Variants in NLRP3 observed in about 807,000 individuals in gnomAD.
NLRP3 encodes the protein NACHT, LRR and PYD domains-containing protein 3.
In NLRP3, 48 loss-of-function variants were observed where a neutral mutation model predicts 91.3. That is an observed-to-expected ratio of 0.53 (90% CI 0.42 to 0.67). The LOEUF is 0.67. Ranked by LOEUF, NLRP3 falls within the 30% of genes least tolerant of loss-of-function variation. NLRP3 has a pLI of 0.00. For synonymous variants in NLRP3, 561 were observed against 507.9 expected, an observed-to-expected ratio of 1.10 and a Z score of -1.41; for missense variants, 982 against 1,276.9, an observed-to-expected ratio of 0.77 and a Z score of 3.52.
At chr1:247,429,526 C>A (rs1292630222) in intron 4 of NLRP3, 59 bp from the exon 5 acceptor site, 5 of 1,591,594 alleles carry the variant, frequency 3.1e-6, no homozygotes, top group East Asian at 2.2e-5. Flanking sequence ...GCCCCCAGCT[C>A]CAGTTAGTTA....
intron 9 of NLRP3, among the ~76,000 whole-genome samples, chr1:247,446,643 C>T (rs761358253): frequency 2.7e-5 from 4 of 150,210 alleles, no homozygotes; most frequent in Non-Finnish European, 5.9e-5. Context: ...GTCTTCTCTG[C>T]GAGGCTGTCT....
chr1:247,434,115 T>C lies in NLRP3; in HGVS notation c.2334T>C (p.Cys778=), dbSNP rs201206582. Residue 778 remains cysteine (C), a synonymous_variant, in exon 6 of 10, where the codon TGT becomes TGC. Transcript: ENST00000336119. The part of the protein sequence containing the change: ...CNIRRLWLGR[C]GLSHECCFDI... ...TCTTGGCATGAAGGTTGGGGCGCTG[T>C]GGCCTCTCGCATGAGTGCTGCTTCG... The C allele has an allele frequency of 7.0e-6, 10 of 1,420,376 alleles. No homozygotes were observed. Among genetic ancestry groups the C allele is most frequent in the Non-Finnish European group, 9.4e-6 (10 of 1,066,428 alleles). The allele number at this position is 1,420,376 out of a possible 1,614,324, so 88.0% of individuals were successfully genotyped here.
chr1:247,424,439 G>A lies in NLRP3; in HGVS notation c.990G>A (p.Leu330=). 1.2e-6 allele frequency: 2 copies of A among 1,614,202 alleles called. No homozygotes were observed. The highest frequency in any genetic ancestry group is 2.7e-5 in the African/African-American group (2 of 75,060). ...WQKAERGDIL[L]SSLIRKKLLP... ...AGGCCGAGCGGGGAGACATTCTCCT[G>A]AGCAGCCTCATCAGAAAGAAGCTGC... The change falls in exon 4 of 10, where the codon CTG becomes CTA. Residue 330 remains leucine (L), a synonymous_variant. Transcript: ENST00000336119. This position sits in a 1 kb window ranked among gnomAD's most constrained non-coding sequence, Gnocchi z 8.1.
chr1:247,424,759 C>T lies in NLRP3; in HGVS notation c.1310C>T (p.Thr437Ile). 1.2e-6 allele frequency: 2 copies of T among 1,613,088 alleles called. No homozygotes were observed. Among genetic ancestry groups the T allele is most frequent in the Non-Finnish European group, 1.7e-6 (2 of 1,180,018 alleles). ...GKSLAQTSKT[T>I]TAVYVFFLSS... is the part of the protein sequence containing the mutation. ...AGCCTTGCCCAGACATCCAAGACCA[C>T]CACCGCGGTGTACGTCTTCTTCCTT... is the stretch of plus-strand genomic sequence containing the variant. The change falls in exon 4 of 10, where the codon ACC (threonine) becomes ATC (isoleucine). Residue 437 changes from threonine (T) to isoleucine (I), a missense_variant. Around this residue, in one of 5 missense-constraint regions of NLRP3, gnomAD observed 548 missense variants for 713.7 expected, o/e 0.77. Transcript: ENST00000336119. This position sits in a 1 kb window ranked among gnomAD's most constrained non-coding sequence, Gnocchi z 8.1.
intron 9 of NLRP3, among the ~76,000 whole-genome samples, chr1:247,446,726 T>A (rs1424713540): frequency 6.6e-6 from 1 of 152,192 alleles, no homozygotes; most frequent in East Asian, 1.9e-4. Context: ...GCACATCTTA[T>A]GTGCTATGTC....
At chr1:247,439,873 C>T (rs1479685808) in intron 7 of NLRP3, among the ~76,000 whole-genome samples, 1 of 152,126 alleles carries the variant, frequency 6.6e-6, no homozygotes, top group Non-Finnish European at 1.5e-5. Flanking sequence ...CTGTTCTTTT[C>T]CACTATTACA....
At chr1:247,444,537 C>CT in intron 8 of NLRP3, 114 bp from the exon 9 acceptor site, 1 of 1,124,052 alleles carries the variant, frequency 8.9e-7, no homozygotes, top group Non-Finnish European at 1.3e-6. Context: ...TAGTCCTGTG[C>CT]TCCTGTGCTT....
chr1:247,443,794 C>A, intron 7 of NLRP3, 178 bp from the exon 8 acceptor site: 1 of 659,602 alleles, frequency 1.5e-6, no homozygotes, highest in Non-Finnish European at 2.7e-6. Flanking sequence ...TTTGTGTCTC[C>A]TGTGACAGCC....
intron 7 of NLRP3, among the ~76,000 whole-genome samples, chr1:247,439,259 A>G (rs1572214315): frequency 6.6e-6 from 1 of 152,242 alleles, no homozygotes; most frequent in East Asian, 1.9e-4. Flanking sequence ...CTACTGTAAT[A>G]AAGTATCACA....
At chr1:247,431,571 T>C (rs1210344057) in intron 5 of NLRP3, among the ~76,000 whole-genome samples, 1 of 152,146 alleles carries the variant, frequency 6.6e-6, no homozygotes, top group East Asian at 1.9e-4. Context: ...GGGGTTTGCG[T>C]TTGTTTGTCT....
intron 6 of NLRP3, among the ~76,000 whole-genome samples, chr1:247,435,011 G>C (rs1172977078): frequency 6.6e-6 from 1 of 152,192 alleles, no homozygotes; most frequent in African/African-American, 2.4e-5. Context: ...CAGCATTTTG[G>C]GAGGCTGAGG....
At chr1:247,432,860 GTGTT>G (rs1427041544) in intron 5 of NLRP3, among the ~76,000 whole-genome samples, 1 of 151,976 alleles carries the variant, frequency 6.6e-6, no homozygotes, top group Non-Finnish European at 1.5e-5. Flanking sequence ...ATGTGCGTGT[GTGTT>G]TGTGTGCATG....
chr1:247,447,873 C>G (rs1481724867), intron 9 of NLRP3, among the ~76,000 whole-genome samples: 1 of 152,162 alleles, frequency 6.6e-6, no homozygotes, highest in Admixed American at 6.5e-5. Flanking sequence ...AACAAGTTGA[C>G]ATGACCTGTT....
At chr1:247,431,675 G>C (rs1024884937) in intron 5 of NLRP3, among the ~76,000 whole-genome samples, 1 of 152,200 alleles carries the variant, frequency 6.6e-6, no homozygotes, top group Non-Finnish European at 1.5e-5. Flanking sequence ...TGGTCTCCCT[G>C]TGTCTGCCTT....
At chr1:247,416,807 G>A (rs1662101731) in intron 1 of NLRP3, among the ~76,000 whole-genome samples, 1 of 152,190 alleles carries the variant, frequency 6.6e-6, no homozygotes, top group South Asian at 2.1e-4. Flanking sequence ...GATGGGACGG[G>A]AGAGATGAGT....
rs1245624789 is a variant in NLRP3 at position 247,429,594 on chromosome 1, C to T, written c.2160C>T (p.Asn720=). 6.2e-7 allele frequency: 1 copy of T among 1,614,166 alleles called. No individual in the cohort carries two copies. ...TCCTTCTAATTCCTAGATTGGTGAA[C>T]AGCCACCTCACTTCCAGTTTTTGCC... ...SHAACSHGLV[N]SHLTSSFCRG... is the part of the protein sequence containing the mutation. The change falls in exon 5 of 10, where the codon AAC becomes AAT. Residue 720 remains asparagine, a synonymous_variant. Transcript: ENST00000336119.
rs937804009 is a variant in NLRP3 at position 247,444,965 on chromosome 1, T to A, written c.3005+144T>A. On this transcript the variant is annotated intron_variant, in intron 9 of 9. Coordinates refer to ENST00000336119, the MANE Select transcript of NLRP3 (RefSeq NM_001243133.2). ...CCTGGGTCAGTTGTGGTGGATATTTTAAAATAGAGAATATGGGGTTAAACT... is the reference window on the plus strand; with the variant it reads ...CCTGGGTCAGTTGTGGTGGATATTTAAAAATAGAGAATATGGGGTTAAACT... 7.8e-6 allele frequency: 6 copies of A among 767,964 alleles called. No individual in the cohort carries two copies. In the African/African-American group the frequency reaches 8.7e-5, roughly 11 times the overall value. 47.6% of individuals were successfully genotyped at this position (767,964 alleles called of 1,614,324 possible).
In NLRP3 at chr1:247,425,414, C is replaced by G. The variant is rs374841386; in HGVS notation, c.1965C>G (p.Leu655=). 6.2e-7 allele frequency: 1 copy of G among 1,614,222 alleles called. No individual in the cohort carries two copies. Among genetic ancestry groups the G allele is most frequent in the African/African-American group, 1.3e-5 (1 of 75,056 alleles). ...MDYFPKIEIN[L]STRMDHMVSS... ...ATTTCCCCAAGATTGAGATCAATCT[C>G]TCCACCAGAATGGACCACATGGTTT... The change falls in exon 4 of 10, where the codon CTC becomes CTG. Residue 655 remains leucine (L), a synonymous_variant. Transcript: ENST00000336119. This position sits in a 1 kb window ranked among gnomAD's most constrained non-coding sequence, Gnocchi z 4.1.
chr1:247,437,377 T>C (rs1486507993), intron 7 of NLRP3, among the ~76,000 whole-genome samples: 1 of 152,186 alleles, frequency 6.6e-6, no homozygotes, highest in Non-Finnish European at 1.5e-5. Context: ...AATCCACTAA[T>C]CCATAATTAA....
Sources: gnomAD v4.1 joint callset for allele counts (sites outside exome capture counted in the v4.1 genomes callset) on GRCh38, gnomAD v4.1.1 for gene constraint, gnomAD v4.1.1 regional missense constraint, Gnocchi (gnomAD v3.1) non-coding constraint, MANE v1.5 for transcripts, NCBI Gene and HGNC (gene_info 2026-07-23, HGNC 2026-07-21) for gene names.